The following CD99L2 variants were observed in gnomAD, a reference collection of about 807,000 sequenced individuals.
CD99L2 encodes CD99 antigen-like protein 2.
A neutral mutation model predicts 27.3 loss-of-function variants in CD99L2; 24 were observed. The ratio of observed to expected loss-of-function variants is 0.88; its 90% CI spans 0.64 to 1.24. CD99L2 has a LOEUF of 1.24. Ranked by LOEUF, CD99L2 falls within the 50% of genes most tolerant of loss-of-function variation. CD99L2 has a pLI of 0.00. For synonymous variants in CD99L2, 97 were observed against 87.9 expected (o/e 1.10, Z -0.58); for missense variants, 255 against 221.6 (o/e 1.15, Z -0.96).
chrX:150,773,996 G>A (rs2043506855), intron 9 of CD99L2, among the ~76,000 whole-genome samples: 1 of 111,632 alleles, frequency 9.0e-6, no homozygotes, highest in Non-Finnish European at 1.9e-5. Context: ...AGGCCAAAAT[G>A]TATCTGACAT....
Position 150,767,321 on chromosome X carries a change from C to G in CD99L2, c.*1713G>C, listed in dbSNP as rs782025641. On this transcript the variant is annotated 3_prime_UTR_variant, in exon 11 of 11. Transcript: ENST00000370377. ...ACTTCCTGAAGCATGGGAAGCTTCTCGAGACCAGGCCAAGGTTTCTTTCCT... is the reference window on the plus strand; with the variant it reads ...ACTTCCTGAAGCATGGGAAGCTTCTGGAGACCAGGCCAAGGTTTCTTTCCT... The G allele has an allele frequency of 1.8e-5, 2 of 112,189 alleles. No individual in the cohort carries two copies. Among genetic ancestry groups the G allele is most frequent in the Non-Finnish European group, 3.8e-5 (2 of 53,241 alleles). The allele number at this position is 112,189 out of a possible 1,213,427, so 9.2% of individuals were successfully genotyped here.
chrX:150,810,131 T>C (rs182625636), intron 4 of CD99L2, among the ~76,000 whole-genome samples: 2 of 111,869 alleles, frequency 1.8e-5, no homozygotes, highest in East Asian at 2.8e-4. Context: ...ATAGAGAACA[T>C]TCCACCCAAC....
intron 9 of CD99L2, chrX:150,771,864 C>A (rs1056435338): frequency 8.7e-7 from 1 of 1,146,286 alleles, no homozygotes; most frequent in Non-Finnish European, 1.2e-6. Context: ...GGAGTAAGAG[C>A]GCTCCTGACA....
chrX:150,807,735 C>T (rs1341542850), intron 4 of CD99L2, among the ~76,000 whole-genome samples: 2 of 111,575 alleles, frequency 1.8e-5, no homozygotes, highest in Non-Finnish European at 3.8e-5. Context: ...TCAGATCTGC[C>T]TGCAGGCCTG....
intron 1 of CD99L2, among the ~76,000 whole-genome samples, chrX:150,883,465 C>T (rs1226722753): frequency 1.8e-5 from 2 of 110,986 alleles, no homozygotes; most frequent in Admixed American, 9.7e-5. Flanking sequence ...GGGGCAAGGG[C>T]GACTCAGAAA....
intron 1 of CD99L2, among the ~76,000 whole-genome samples, chrX:150,854,464 G>T (rs781890431): frequency 9.0e-6 from 1 of 111,486 alleles, no homozygotes; most frequent in Non-Finnish European, 1.9e-5. Flanking sequence ...TATACTTTTT[G>T]TTATGGGCTG....
intron 1 of CD99L2, among the ~76,000 whole-genome samples, chrX:150,846,995 A>G (rs781784690): frequency 8.9e-6 from 1 of 112,660 alleles, no homozygotes; most frequent in South Asian, 3.6e-4. Context: ...AGAGTGGAAC[A>G]GGACCTCAGA....
At chrX:150,776,035 G>A in intron 9 of CD99L2, 139 bp downstream of exon 9, 2 of 825,025 alleles carry the variant, frequency 2.4e-6, no homozygotes, top group African/African-American at 2.1e-5. Flanking sequence ...CAAAACTGTT[G>A]CCTCCACCCC....
chrX:150,788,955 A>G (rs141549990), intron 7 of CD99L2, among the ~76,000 whole-genome samples: 1,165 of 111,778 alleles, frequency 0.01, 51 homozygotes, highest in Admixed American at 0.095. Context: ...ACATTCTAAC[A>G]GGTGCATAGT....
intron 7 of CD99L2, among the ~76,000 whole-genome samples, chrX:150,789,723 A>C (rs1208411157): frequency 1.4e-4 from 16 of 111,193 alleles, no homozygotes; most frequent in African/African-American, 5.2e-4. Context: ...CATCCCTACA[A>C]AAATTTTAAA....
At position 150,873,391 on chromosome X, in the gene CD99L2, G is replaced by A. The variant is rs782280377; in HGVS notation, c.67+25131C>T. ...CCATACAGACTAGAAGTAAATTCGT[G>A]GTTGCCCAGGGTTGTGAGGTGGGAC... is the stretch of plus-strand genomic sequence containing the variant. On this transcript the variant is annotated intron_variant, in intron 1 of 10. Coordinates refer to ENST00000370377, the MANE Select transcript of CD99L2 (RefSeq NM_031462.4). Among the ~76,000 whole-genome samples, 4 of 111,656 alleles carry A rather than the reference G, an allele frequency of 3.6e-5. No individual in the cohort carries two copies. The East Asian group carries it at 1.1e-3, about 31-fold the overall frequency.
chrX:150,824,086 GAAGA>G (rs1354547331), intron 2 of CD99L2, among the ~76,000 whole-genome samples: 1 of 79,995 alleles, frequency 1.3e-5, no homozygotes, highest in African/African-American at 5.0e-5. Flanking sequence ...AGAGGAAGAA[GAAGA>G]AAGAAGAAGG....
intron 2 of CD99L2, among the ~76,000 whole-genome samples, chrX:150,824,025 A>AGAGGAG (rs551423748): frequency 2.1e-5 from 2 of 96,592 alleles, no homozygotes; most frequent in Non-Finnish European, 4.1e-5. Context: ...AGGAAGAGGA[A>AGAGGAG]GAGGAGGAGG....
chrX:150,854,641 G>A (rs781969589), intron 1 of CD99L2, among the ~76,000 whole-genome samples: 3 of 111,253 alleles, frequency 2.7e-5, no homozygotes, highest in South Asian at 7.7e-4. Flanking sequence ...GAACACAGAC[G>A]CACACAGAGA....
chrX:150,879,516 G>A (rs115067334), intron 1 of CD99L2, among the ~76,000 whole-genome samples: 3,760 of 110,004 alleles, frequency 0.034, 132 homozygotes, highest in African/African-American at 0.1. Flanking sequence ...AGGACTCACC[G>A]TGATTCAGGG....
chrX:150,812,874 C>T (rs2046092823), intron 4 of CD99L2, among the ~76,000 whole-genome samples: 1 of 111,849 alleles, frequency 8.9e-6, no homozygotes, highest in Non-Finnish European at 1.9e-5. Context: ...ATTAATACAC[C>T]CAACAATATG....
At chrX:150,815,430 G>A (rs951746862) in intron 3 of CD99L2, among the ~76,000 whole-genome samples, 2 of 111,844 alleles carry the variant, frequency 1.8e-5, no homozygotes, top group African/African-American at 3.3e-5. Context: ...GCTCTCTACC[G>A]CACAGAACGT....
intron 4 of CD99L2, among the ~76,000 whole-genome samples, chrX:150,814,513 A>C (rs1380929841): frequency 8.9e-6 from 1 of 112,564 alleles, no homozygotes; most frequent in Non-Finnish European, 1.9e-5. Context: ...GCTCTCCTCA[A>C]TATAAGTTTT....
At chrX:150,882,615 C>T (rs1182887931) in intron 1 of CD99L2, among the ~76,000 whole-genome samples, 3 of 110,522 alleles carry the variant, frequency 2.7e-5, no homozygotes, top group African/African-American at 9.9e-5. Context: ...GCGGAAGTTG[C>T]AGTCAGCCAA....
Sources: allele counts gnomAD v4.1 joint callset (sites outside exome capture counted in the v4.1 genomes callset), GRCh38; gene constraint gnomAD v4.1.1; transcripts MANE v1.5; gene names NCBI Gene and HGNC (gene_info 2026-07-23, HGNC 2026-07-21).